Variants in NSMCE2 observed in about 807,000 individuals in gnomAD.
NSMCE2 encodes E3 SUMO-protein ligase NSE2.
NSMCE2 carries 24 observed loss-of-function variants against 23.8 expected under a neutral mutation model. That is an observed-to-expected ratio of 1.01 (90% CI 0.73 to 1.42). The LOEUF is 1.42. Among genes scored for constraint, NSMCE2 ranks in the 40% most tolerant of loss-of-function variants. The pLI is 0.00. For missense variants in NSMCE2, 284 were observed against 296.5 expected, an observed-to-expected ratio of 0.96 and a Z score of 0.31; for synonymous variants, 92 against 94.1, an observed-to-expected ratio of 0.98 and a Z score of 0.13.
rs187754151 is a variant in NSMCE2 at position 125,352,335 on chromosome 8, A to G, written c.419-4884A>G. On this transcript the variant is annotated intron_variant, in intron 5 of 7. Transcript: ENST00000287437. ...TCTACTAAAAATACAAAATTAGCCG[A>G]GGTGGTGGTGCATGCCTGTAATCCC... Among the ~76,000 whole-genome samples the G allele has an allele frequency of 6.3e-3, 953 of 151,564 alleles. 9 individuals carry two copies. Among genetic ancestry groups the G allele is most frequent in the African/African-American group, 0.022 (926 of 41,324 alleles).
chr8:125,208,240 T>C (rs1316105162), intron 5 of NSMCE2, among the ~76,000 whole-genome samples: 1 of 152,230 alleles, frequency 6.6e-6, no homozygotes, highest in Non-Finnish European at 1.5e-5. Flanking sequence ...ATGAAAGACA[T>C]GTTTGTTTAT....
At chr8:125,141,545 G>A (rs1458648525) in intron 3 of NSMCE2, among the ~76,000 whole-genome samples, 1 of 152,164 alleles carries the variant, frequency 6.6e-6, no homozygotes, top group African/African-American at 2.4e-5. Flanking sequence ...CTGAATTCAT[G>A]TTGTTGTAAC....
intron 5 of NSMCE2, among the ~76,000 whole-genome samples, chr8:125,326,774 G>C (rs1829680734): frequency 6.6e-6 from 1 of 151,318 alleles, no homozygotes; most frequent in Non-Finnish European, 1.5e-5. Context: ...TGGCCAATGT[G>C]GCAAAACACC....
At chr8:125,297,730 G>A (rs190078901) in intron 5 of NSMCE2, among the ~76,000 whole-genome samples, 54 of 152,144 alleles carry the variant, frequency 3.5e-4, no homozygotes, top group Admixed American at 6.5e-4. Flanking sequence ...AGCTAGTTGG[G>A]AGGCTGAGGT....
chr8:125,244,563 T>A (rs2130990666), intron 5 of NSMCE2, among the ~76,000 whole-genome samples: 1 of 152,282 alleles, frequency 6.6e-6, no homozygotes, highest in African/African-American at 2.4e-5. Flanking sequence ...CACTATATGA[T>A]CCAAAGGTAC....
At chr8:125,132,074 T>C (rs2130567922) in intron 3 of NSMCE2, among the ~76,000 whole-genome samples, 1 of 152,286 alleles carries the variant, frequency 6.6e-6, no homozygotes. Context: ...ACTAAAAATA[T>C]ATGTGTATTC....
chr8:125,215,137 C>T (rs958363796), intron 5 of NSMCE2, among the ~76,000 whole-genome samples: 1 of 151,224 alleles, frequency 6.6e-6, no homozygotes, highest in African/African-American at 2.4e-5. Flanking sequence ...GTGCGCTGCA[C>T]CCACTAACTC....
At chr8:125,234,281 G>A (rs192681600) in intron 5 of NSMCE2, among the ~76,000 whole-genome samples, 1 of 152,144 alleles carries the variant, frequency 6.6e-6, no homozygotes, top group Non-Finnish European at 1.5e-5. Context: ...TAGACTAATA[G>A]CAGTTGAGAA....
chr8:125,152,585 T>C (rs1269259411), intron 4 of NSMCE2, among the ~76,000 whole-genome samples: 2 of 152,210 alleles, frequency 1.3e-5, no homozygotes, highest in East Asian at 1.9e-4. Flanking sequence ...GACCCTTACA[T>C]TATGTGGCAC....
intron 3 of NSMCE2, among the ~76,000 whole-genome samples, chr8:125,149,780 A>G (rs528785135): frequency 2.0e-5 from 3 of 152,194 alleles, no homozygotes; most frequent in Non-Finnish European, 2.9e-5. Flanking sequence ...ATATTTGTGG[A>G]TCTGTTTCTG....
intron 5 of NSMCE2, among the ~76,000 whole-genome samples, chr8:125,347,471 T>C (rs751740090): frequency 3.9e-5 from 6 of 152,204 alleles, no homozygotes; most frequent in Non-Finnish European, 8.8e-5. Flanking sequence ...GATATAAATA[T>C]TCATATCTGT....
At chr8:125,165,874 C>T (rs1363846131) in intron 4 of NSMCE2, among the ~76,000 whole-genome samples, 1 of 152,128 alleles carries the variant, frequency 6.6e-6, no homozygotes, top group Non-Finnish European at 1.5e-5. Flanking sequence ...TGGGAAGTAA[C>T]TTCAAATCTC....
intron 4 of NSMCE2, among the ~76,000 whole-genome samples, chr8:125,174,445 A>G (rs969266574): frequency 7.2e-5 from 11 of 152,218 alleles, no homozygotes; most frequent in African/African-American, 2.4e-4. Flanking sequence ...CTAATGCTGT[A>G]TTCTGTGTAA....
At chr8:125,204,878 C>G (rs898214143) in intron 5 of NSMCE2, among the ~76,000 whole-genome samples, 1 of 152,164 alleles carries the variant, frequency 6.6e-6, no homozygotes, top group Admixed American at 6.5e-5. Context: ...CTAGATCCGG[C>G]CAGTTTCTAC....
At chr8:125,100,429 G>C (rs994422025) in intron 1 of NSMCE2, among the ~76,000 whole-genome samples, 1 of 151,984 alleles carries the variant, frequency 6.6e-6, no homozygotes, top group Non-Finnish European at 1.5e-5. Flanking sequence ...GATCCAGTCA[G>C]GCAAAGTTGA....
intron 3 of NSMCE2, among the ~76,000 whole-genome samples, chr8:125,150,363 A>AT (rs1422349130): frequency 1.3e-5 from 1 of 78,122 alleles, no homozygotes; most frequent in Non-Finnish European, 2.9e-5. Context: ...TTTAAGATTT[A>AT]TTTTTTTTCT....
At chr8:125,210,314 A>G (rs542981352) in intron 5 of NSMCE2, among the ~76,000 whole-genome samples, 3 of 152,314 alleles carry the variant, frequency 2.0e-5, no homozygotes, top group African/African-American at 7.2e-5. Context: ...TAGAATAGAT[A>G]ATTGCTTTCT....
intron 5 of NSMCE2, among the ~76,000 whole-genome samples, chr8:125,216,710 ACTGT>A (rs1824604309): frequency 1.3e-5 from 2 of 151,066 alleles, no homozygotes; most frequent in South Asian, 4.2e-4. Flanking sequence ...GAATAGTTTC[ACTGT>A]CTGAAAAATC....
intron 5 of NSMCE2, among the ~76,000 whole-genome samples, chr8:125,269,968 C>A (rs1172302059): frequency 6.6e-6 from 1 of 152,162 alleles, no homozygotes; most frequent in African/African-American, 2.4e-5. Flanking sequence ...AACTAAAGGA[C>A]AAGCACGGCC....
Sources: allele counts gnomAD v4.1 joint callset (sites outside exome capture counted in the v4.1 genomes callset), GRCh38; gene constraint gnomAD v4.1.1; transcripts MANE v1.5; gene names NCBI Gene and HGNC (gene_info 2026-07-23, HGNC 2026-07-21).